Variants in ZNF407 observed in about 807,000 individuals in gnomAD.
ZNF407 encodes the protein zinc finger protein 407.
ZNF407 carries 17 observed loss-of-function variants against 131.2 expected under a neutral mutation model. That is an observed-to-expected ratio of 0.13 (90% CI 0.09 to 0.19). The LOEUF is 0.19. Ranked by LOEUF, ZNF407 falls within the 10% of genes least tolerant of loss-of-function variation. ZNF407 has a pLI of 1.00. For synonymous variants in ZNF407, 1,156 were observed against 1,062.0 expected, an observed-to-expected ratio of 1.09 and a Z score of -1.72; for missense variants, 2,681 against 2,830.6, an observed-to-expected ratio of 0.95 and a Z score of 1.20.
chr18:75,035,065 A>G lies in ZNF407; in HGVS notation c.5429-28085A>G, dbSNP rs150681991. Among the ~76,000 whole-genome samples the G allele has an allele frequency of 5.8e-4, 88 of 152,360 alleles. 1 individual carries two copies. Among genetic ancestry groups the G allele is most frequent in the African/African-American group, 2.0e-3 (82 of 41,590 alleles). ...TAGCTGCTTGGACATTTCATTTGTC[A>G]TCTAATACGGCACTGAAAAAATTAG... On this transcript the variant is annotated intron_variant, in intron 8 of 8. Coordinates refer to ENST00000299687, the MANE Select transcript of ZNF407 (RefSeq NM_017757.3).
intron 7 of ZNF407, among the ~76,000 whole-genome samples, chr18:74,909,399 A>C (rs1309795179): frequency 6.6e-6 from 1 of 152,138 alleles, no homozygotes; most frequent in Non-Finnish European, 1.5e-5. Flanking sequence ...AATCCTCATG[A>C]TGGCATTCTG....
intron 7 of ZNF407, among the ~76,000 whole-genome samples, chr18:74,907,983 G>A (rs1290379990): frequency 1.3e-5 from 2 of 152,090 alleles, no homozygotes; most frequent in African/African-American, 4.8e-5. Flanking sequence ...CTTGATCACT[G>A]TGTAATGATT....
rs1311760054 is a variant in ZNF407 at position 74,631,662 on chromosome 18, C to G, written c.643C>G (p.His215Asp). ...AESHMQQPKE[H>D]TCCHCSHKAE... ...GTCTCACATGCAGCAGCCTAAGGAA[C>G]ATACCTGTTGTCACTGCAGCCACAA... The change falls in exon 2 of 9, where the codon CAT becomes GAT. Residue 215 changes from histidine to aspartate, a missense_variant. By Grantham distance (81) the His-to-Asp change is moderately conservative (BLOSUM62 -1). Coordinates refer to ENST00000299687, the MANE Select transcript of ZNF407 (RefSeq NM_017757.3). 6.2e-7 allele frequency: 1 copy of G among 1,613,954 alleles called. No homozygotes were observed. The highest frequency in any genetic ancestry group is 1.7e-5 in the Admixed American group (1 of 60,016).
chr18:74,645,637 T>TTTTG (rs1555672604), intron 3 of ZNF407, among the ~76,000 whole-genome samples: 1 of 145,198 alleles, frequency 6.9e-6, no homozygotes, highest in African/African-American at 2.5e-5. Flanking sequence ...GTAAAACTCT[T>TTTTG]TGTGTGTGTG....
At chr18:74,789,831 A>T (rs1406641432) in intron 4 of ZNF407, among the ~76,000 whole-genome samples, 1 of 147,962 alleles carries the variant, frequency 6.8e-6, no homozygotes, top group African/African-American at 2.5e-5. Context: ...TTTTGTTAAA[A>T]TCTTTCCCTT....
chr18:74,640,809 C>T (rs1355461749), intron 2 of ZNF407, among the ~76,000 whole-genome samples, 199 bp from the exon 3 acceptor site: 1 of 152,150 alleles, frequency 6.6e-6, no homozygotes, highest in Admixed American at 6.5e-5. Flanking sequence ...GTTAGGAAGA[C>T]TCACTGAAAC....
chr18:74,828,704 TG>T (rs1377611391), intron 4 of ZNF407, among the ~76,000 whole-genome samples: 2 of 130,028 alleles, frequency 1.5e-5, no homozygotes, highest in Admixed American at 7.8e-5. Flanking sequence ...AAACCTAGAG[TG>T]GGAGCCATGT....
intron 4 of ZNF407, among the ~76,000 whole-genome samples, chr18:74,846,991 C>T (rs1332664419): frequency 8.5e-6 from 1 of 117,102 alleles, no homozygotes; most frequent in Non-Finnish European, 2.0e-5. Flanking sequence ...AAGACTTAGT[C>T]TCAAAAAAAA....
intron 3 of ZNF407, among the ~76,000 whole-genome samples, chr18:74,732,329 C>T (rs1422675870): frequency 6.6e-6 from 1 of 152,184 alleles, no homozygotes; most frequent in African/African-American, 2.4e-5. Flanking sequence ...ACTACAAGTA[C>T]TCCTGAAAGC....
intron 8 of ZNF407, among the ~76,000 whole-genome samples, chr18:75,039,539 C>T (rs1405573251): frequency 6.6e-6 from 1 of 152,130 alleles, no homozygotes; most frequent in Admixed American, 6.5e-5. Context: ...GTCCACAGAG[C>T]CCCAACGTTT....
In ZNF407 at chr18:74,829,920, C is replaced by T. The variant is rs77094208; in HGVS notation, c.4878-47277C>T. On this transcript the variant is annotated intron_variant, in intron 4 of 8. Coordinates refer to ENST00000299687, the MANE Select transcript of ZNF407 (RefSeq NM_017757.3). ...TATCCTGCACTGAAGCCCTAATTCC[C>T]GTTGTGACTGTATTTGGAGATAGGG... Among the ~76,000 whole-genome samples the T allele has an allele frequency of 1.6e-3, 247 of 152,032 alleles. 1 individual carries two copies. The highest frequency in any genetic ancestry group is 3.0e-3 in the Non-Finnish European group (202 of 67,992).
At chr18:74,908,949 T>A (rs531891423) in intron 7 of ZNF407, among the ~76,000 whole-genome samples, 20 of 152,216 alleles carry the variant, frequency 1.3e-4, no homozygotes, top group African/African-American at 4.8e-4. Flanking sequence ...AATTAACTTC[T>A]TGAGTTTAAT....
intron 3 of ZNF407, among the ~76,000 whole-genome samples, chr18:74,750,061 A>T (rs1350975422): frequency 2.0e-5 from 3 of 152,172 alleles, no homozygotes; most frequent in Non-Finnish European, 2.9e-5. Context: ...TCCGTGCTAT[A>T]GCCTTGGCAC....
intron 3 of ZNF407, among the ~76,000 whole-genome samples, chr18:74,718,533 G>GGGT (rs1190520880): frequency 6.6e-6 from 1 of 151,904 alleles, no homozygotes; most frequent in Non-Finnish European, 1.5e-5. Context: ...CAAGAATGTG[G>GGGT]GGTAAAGGGA....
In ZNF407 at chr18:75,009,889, T is replaced by G. The variant is rs534907468; in HGVS notation, c.5429-53261T>G. ...AGTCATAAGACTTTTGTTTTTGCAT[T>G]TTATTATTTCTAAAATCAGAAATCC... On this transcript the variant is annotated intron_variant, in intron 8 of 8. Transcript: ENST00000299687. Among the ~76,000 whole-genome samples, 9 of 152,316 alleles carry G rather than the reference T, an allele frequency of 5.9e-5. No homozygotes were observed. The South Asian group carries it at 1.7e-3, about 28-fold the overall frequency.
At chr18:74,801,937 T>A (rs1359345045) in intron 4 of ZNF407, among the ~76,000 whole-genome samples, 2 of 152,190 alleles carry the variant, frequency 1.3e-5, no homozygotes, top group Non-Finnish European at 2.9e-5. Context: ...AAGAAAGTGC[T>A]CTTCCTTAAA....
At chr18:74,894,042 A>G (rs1357930766) in intron 7 of ZNF407, among the ~76,000 whole-genome samples, 1 of 152,176 alleles carries the variant, frequency 6.6e-6, no homozygotes, top group East Asian at 1.9e-4. Flanking sequence ...CATGAAAAAT[A>G]CAAATATAGA....
chr18:74,952,603 G>A (rs956494158), intron 8 of ZNF407, among the ~76,000 whole-genome samples: 4 of 152,226 alleles, frequency 2.6e-5, no homozygotes, highest in African/African-American at 9.6e-5. Flanking sequence ...ATGGGAGCAG[G>A]AAGGGGCTGG....
At chr18:74,652,370 A>G (rs1985266578) in intron 3 of ZNF407, among the ~76,000 whole-genome samples, 1 of 152,076 alleles carries the variant, frequency 6.6e-6, no homozygotes, top group Admixed American at 6.6e-5. Context: ...TTCATCGAGC[A>G]ATTTCAAAAT....
Sources: gnomAD v4.1 joint callset for allele counts (sites outside exome capture counted in the v4.1 genomes callset) on GRCh38, gnomAD v4.1.1 for gene constraint, MANE v1.5 for transcripts, NCBI Gene and HGNC (gene_info 2026-07-23, HGNC 2026-07-21) for gene names.